The following DGKK variants were observed in gnomAD, a reference collection of about 807,000 sequenced individuals.
DGKK encodes the protein 142 kDa diacylglycerol kinase.
A neutral mutation model predicts 92.2 loss-of-function variants in DGKK; 35 were observed. The observed-to-expected ratio is 0.38, with a 90% confidence interval of 0.29 to 0.50. DGKK has a LOEUF of 0.50. Among genes scored for constraint, DGKK ranks in the 20% least tolerant of loss-of-function variants. The pLI is 0.92. For synonymous variants in DGKK, 368 were observed against 360.6 expected (o/e 1.02, Z -0.23); for missense variants, 910 against 992.2 (o/e 0.92, Z 1.11).
At chrX:50,437,106 G>A (rs965108962) in intron 1 of DGKK, among the ~76,000 whole-genome samples, 4 of 111,189 alleles carry the variant, frequency 3.6e-5, no homozygotes, top group Non-Finnish European at 7.5e-5. Flanking sequence ...ATACAATTAC[G>A]CACAAAAGCA....
chrX:50,440,371 A>C (rs1926140287), intron 1 of DGKK, among the ~76,000 whole-genome samples: 1 of 111,664 alleles, frequency 9.0e-6, no homozygotes, highest in African/African-American at 3.2e-5. Flanking sequence ...TTTTCCACGA[A>C]ACCAACAATG....
At chrX:50,420,129 T>C (rs1557228967) in intron 4 of DGKK, among the ~76,000 whole-genome samples, 2 of 111,842 alleles carry the variant, frequency 1.8e-5, no homozygotes, top group African/African-American at 6.5e-5. Context: ...GCTGCTCACA[T>C]ACATCTTGAG....
At chrX:50,422,140 C>T (rs1317443053) in intron 3 of DGKK, among the ~76,000 whole-genome samples, 1 of 111,438 alleles carries the variant, frequency 9.0e-6, no homozygotes, top group African/African-American at 3.3e-5. Context: ...TATTAGCAGT[C>T]TCTTGAAAGA....
chrX:50,451,952 T>A (rs1305467585), intron 1 of DGKK, among the ~76,000 whole-genome samples: 1 of 112,267 alleles, frequency 8.9e-6, no homozygotes, highest in African/African-American at 3.2e-5. Context: ...CCAGAGGTCA[T>A]GAGCAAGTAT....
At chrX:50,404,327 C>A in intron 4 of DGKK, 143 bp from the exon 5 acceptor site, 1 of 636,800 alleles carries the variant, frequency 1.6e-6, no homozygotes, top group Non-Finnish European at 2.2e-6. Flanking sequence ...AAGTTGGAGC[C>A]AATACCTGGG....
intron 11 of DGKK, 119 bp from the exon 12 acceptor site, chrX:50,390,528 G>A: frequency 3.3e-6 from 2 of 597,267 alleles, no homozygotes; most frequent in South Asian, 5.4e-5. Flanking sequence ...GTGGGTTGTA[G>A]GGGGTGTCCA....
chrX:50,378,056 A>G, intron 22 of DGKK, 42 bp downstream of exon 22: 1 of 1,178,922 alleles, frequency 8.5e-7, no homozygotes, highest in South Asian at 1.9e-5. Flanking sequence ...GTGACTATGG[A>G]TGAGGCAGTA....
rs151168854 is a variant in DGKK, at chrX:50,403,415, T to A, written c.1185+76A>T. 3.2e-3 allele frequency: 3,204 copies of A among 1,004,747 alleles called. 61 individuals carry two copies. In the African/African-American group the frequency reaches 0.055, roughly 17 times the overall value. 82.8% of individuals were successfully genotyped at this position (1,004,747 alleles called of 1,213,427 possible). A position where few individuals can be genotyped will look rare whatever the true frequency, so the allele number is the denominator to read the frequency against. Reference sequence around the variant, plus strand: ...TTGCTTATCTGGAGTTAGGAAGAAGTCTTCCTCCCCCTGTGTATCCTGGTT... The same window carrying A: ...TTGCTTATCTGGAGTTAGGAAGAAGACTTCCTCCCCCTGTGTATCCTGGTT... On this transcript the variant is annotated intron_variant, in intron 6 of 27. Transcript: ENST00000611977.
chrX:50,465,305 C>A (rs1190130395), intron 1 of DGKK, among the ~76,000 whole-genome samples: 1 of 109,168 alleles, frequency 9.2e-6, no homozygotes, highest in Admixed American at 9.8e-5. Flanking sequence ...AGATAAATTT[C>A]ATTATCTGGG....
intron 1 of DGKK, among the ~76,000 whole-genome samples, chrX:50,447,380 T>TA (rs1926369920): frequency 1.2e-3 from 17 of 13,997 alleles, no homozygotes; most frequent in African/African-American, 7.1e-3. Context: ...TATATATATA[T>TA]ATAATATATA....
chrX:50,400,370 C>T (rs781889477), intron 8 of DGKK, among the ~76,000 whole-genome samples: 8 of 111,988 alleles, frequency 7.1e-5, no homozygotes, highest in Admixed American at 1.9e-4. Flanking sequence ...ACCTCCTTTC[C>T]GCTCAACCTC....
At position 50,376,128 on chromosome X, in the gene DGKK, C is replaced by T. The variant is rs1259432980; in HGVS notation, c.3310G>A (p.Val1104Ile). 8.3e-7 allele frequency: 1 copy of T among 1,209,541 alleles called. No homozygotes were observed. Among genetic ancestry groups the T allele is most frequent in the Non-Finnish European group, 1.1e-6 (1 of 894,940 alleles). Residue 1104 changes from valine (V) to isoleucine (I), a missense_variant, in exon 24 of 28, where the codon GTC (valine) becomes ATC (isoleucine). Physicochemically the swap from Val to Ile is conservative, Grantham distance 29 (BLOSUM62 3). Transcript: ENST00000611977. ...DLSKIHQHVSVLMGSVNASAN... is the reference protein window; with the variant it reads ...DLSKIHQHVSILMGSVNASAN... ...CTGGCATTCACAGAACCCATGAGGA[C>T]AGACACATGCTGGTGGATCTTGCTC...
intron 22 of DGKK, 47 bp downstream of exon 22, chrX:50,378,051 T>C: frequency 8.5e-7 from 1 of 1,172,847 alleles, no homozygotes. Context: ...CTCAAGTGAC[T>C]ATGGATGAGG....
rs782353309 is a variant in DGKK, at chrX:50,425,114, T to C, written c.646-756A>G. Among the ~76,000 whole-genome samples the C allele has an allele frequency of 9.0e-5, 10 of 111,565 alleles. No individual in the cohort carries two copies. The South Asian group carries it at 3.4e-3, about 38-fold the overall frequency. On this transcript the variant is annotated intron_variant, in intron 1 of 27. Coordinates refer to ENST00000611977, the MANE Select transcript of DGKK (RefSeq NM_001013742.4). ...ATGCAAGACTGCCATTTGGGAGAAG[T>C]ACTCAACCCCAACAAGCTGGAATCA... is the stretch of plus-strand genomic sequence containing the variant.
At chrX:50,443,028 C>T (rs1926205070) in intron 1 of DGKK, among the ~76,000 whole-genome samples, 1 of 111,645 alleles carries the variant, frequency 9.0e-6, no homozygotes, top group Non-Finnish European at 1.9e-5. Flanking sequence ...CTGACTAGCT[C>T]GTCTACTAGC....
chrX:50,381,152 G>C (rs1924403606), intron 18 of DGKK, among the ~76,000 whole-genome samples: 1 of 111,860 alleles, frequency 8.9e-6, no homozygotes, highest in Non-Finnish European at 1.9e-5. Flanking sequence ...CGATTCACTG[G>C]GGAAAGGATA....
At position 50,368,450 on chromosome X, in the gene DGKK, T is replaced by A. The variant is rs190191500; in HGVS notation, c.*490A>T. The A allele has an allele frequency of 8.9e-6, 1 of 112,324 alleles. No homozygotes were observed. Among genetic ancestry groups the A allele is most frequent in the East Asian group, 2.8e-4 (1 of 3,546 alleles). The allele number at this position is 112,324 out of a possible 1,213,427, so 9.3% of individuals were successfully genotyped here. A position where few individuals can be genotyped will look rare whatever the true frequency, so the allele number is the denominator to read the frequency against. ...CCAACTAGAAGAGATCTCCTGAAGG[T>A]GCAAGTTGCAGTTGGCAGGGATTCG... On this transcript the variant is annotated 3_prime_UTR_variant, in exon 28 of 28. Coordinates refer to ENST00000611977, the MANE Select transcript of DGKK (RefSeq NM_001013742.4).
chrX:50,373,851 A>G, intron 25 of DGKK, among the ~76,000 whole-genome samples: 1 of 112,304 alleles, frequency 8.9e-6, no homozygotes, highest in South Asian at 3.8e-4. Flanking sequence ...AAGTATGCCT[A>G]TGGGTTTTGC....
chrX:50,391,694 G>A (rs1924699869), intron 10 of DGKK, 118 bp from the exon 11 acceptor site: 13 of 813,859 alleles, frequency 1.6e-5, no homozygotes, highest in African/African-American at 2.1e-5. Context: ...GTGGATTTAC[G>A]GGACTTCAGA....
Sources: allele counts gnomAD v4.1 joint callset (sites outside exome capture counted in the v4.1 genomes callset), GRCh38; gene constraint gnomAD v4.1.1; transcripts MANE v1.5; gene names NCBI Gene and HGNC (gene_info 2026-07-23, HGNC 2026-07-21).